The following CHST15 variants were observed in gnomAD, a reference collection of about 807,000 sequenced individuals.
CHST15 encodes B cell RAG associated protein (GALNAC4S-6ST).
CHST15 carries 30 observed loss-of-function variants against 53.6 expected under a neutral mutation model. The observed-to-expected ratio is 0.56, with a 90% CI of 0.42 to 0.76. The LOEUF (loss-of-function observed/expected upper bound fraction) is 0.76. Among genes scored for constraint, CHST15 ranks in the 30% least tolerant of loss-of-function variants. The probability of loss-of-function intolerance (pLI) is 0.00; values close to 1 mark genes in which losing one functional copy is unlikely to be tolerated. For missense variants in CHST15, 627 were observed against 740.5 expected, an observed-to-expected ratio of 0.85 and a Z score of 1.78; for synonymous variants, 296 against 289.8, an observed-to-expected ratio of 1.02 and a Z score of -0.22.
At chr10:124,035,151 G>GGGACCCCGGCTCCGCCCCCTAACA (rs1947422485) in intron 5 of CHST15, among the ~76,000 whole-genome samples, 1 of 76,814 alleles carries the variant, frequency 1.3e-5, no homozygotes, top group African/African-American at 4.0e-5. Flanking sequence ...GCCCCCTAAC[G>GGGACCCCGGCTCCGCCCCCTAACA]GGGACCCCGG....
chr10:124,069,306 A>C (rs1948839801), intron 1 of CHST15, among the ~76,000 whole-genome samples: 1 of 152,234 alleles, frequency 6.6e-6, no homozygotes, highest in Admixed American at 6.5e-5. Flanking sequence ...TACAGATAAT[A>C]AATATAGCCA....
intron 1 of CHST15, among the ~76,000 whole-genome samples, chr10:124,070,237 C>T (rs1948871746): frequency 6.6e-6 from 1 of 152,158 alleles, no homozygotes; most frequent in Admixed American, 6.5e-5. Flanking sequence ...AGCCAGAGGC[C>T]CCTCTGGGAA....
chr10:124,045,697 G>A lies in CHST15; in HGVS notation c.516C>T (p.Asp172=). 3 of 1,610,128 alleles carry A rather than the reference G, an allele frequency of 1.9e-6. No individual in the cohort carries two copies. The highest frequency in any genetic ancestry group is 2.5e-6 in the Non-Finnish European group (3 of 1,177,572). Residue 172 remains aspartate, a synonymous_variant, in exon 2 of 8, where the codon GAC becomes GAT. Coordinates refer to ENST00000435907, the MANE Select transcript of CHST15 (RefSeq NM_001270764.2). ...ACTCCTGCTTCTTAAGGTCTTCTAA[G>A]TCTGGGAGCTGTCTGGTCGTGAACT... ...RIEFTTRQLP[D]LEDLKKQELH... is the part of the protein sequence containing the mutation.
In CHST15 at chr10:124,038,754, G is replaced by T. The variant is rs563723914; in HGVS notation, c.1034-83C>A. 2.1e-5 allele frequency: 30 copies of T among 1,427,386 alleles called. 1 individual carries two copies. The South Asian group carries it at 3.5e-4, about 17-fold the overall frequency. 88.4% of individuals were successfully genotyped at this position (1,427,386 alleles called of 1,614,324 possible). A position where few individuals can be genotyped will look rare whatever the true frequency, so the allele number is the denominator to read the frequency against. On this transcript the variant is annotated intron_variant, in intron 4 of 7. Transcript: ENST00000435907. ...GCTCTAGGTGCCAGAGGCCACACCT[G>T]GCCCCGATGCCTTCCTCTTAAGCAG... is the stretch of plus-strand genomic sequence containing the variant.
Position 124,044,498 on chromosome 10 carries a change from C to T in CHST15, c.886+82G>A, listed in dbSNP as rs1947881604. Reference sequence around the variant, plus strand: ...CATCTCTTTCTGCCGCCCTCGCCCCCCAACCCCAGCGCTAACGTTGCGGGA... The same window carrying T: ...CATCTCTTTCTGCCGCCCTCGCCCCTCAACCCCAGCGCTAACGTTGCGGGA... On this transcript the variant is annotated intron_variant, in intron 3 of 7. Transcript: ENST00000435907. The T allele has an allele frequency of 9.1e-6, 11 of 1,212,212 alleles. No individual in the cohort carries two copies. In the South Asian group the frequency reaches 1.7e-4, roughly 19 times the overall value. The allele number at this position is 1,212,212 out of a possible 1,614,324, so 75.1% of individuals were successfully genotyped here.
chr10:124,081,363 CACACACATGCACGCAT>C, intron 1 of CHST15, among the ~76,000 whole-genome samples: 1 of 151,686 alleles, frequency 6.6e-6, no homozygotes, highest in African/African-American at 2.4e-5. Flanking sequence ...TGCACGCATG[CACACACATGCACGCAT>C]GCACACACAC....
chr10:124,010,540 G>C, intron 7 of CHST15: 1 of 985,464 alleles, frequency 1.0e-6, no homozygotes, highest in Non-Finnish European at 1.2e-6. Context: ...AAATTGCGAA[G>C]AAATTCTGCG....
chr10:124,061,044 A>T (rs1306892775), intron 1 of CHST15, among the ~76,000 whole-genome samples: 5 of 152,226 alleles, frequency 3.3e-5, no homozygotes. Context: ...TGTGCAGATA[A>T]GAAAACGGTG....
chr10:124,052,754 G>A (rs1015857995), intron 1 of CHST15, among the ~76,000 whole-genome samples: 5 of 152,298 alleles, frequency 3.3e-5, no homozygotes, highest in African/African-American at 7.2e-5. Flanking sequence ...TGTCTAGCCC[G>A]GCCGGGCGCG....
At chr10:124,080,913 A>C (rs143331306) in intron 1 of CHST15, among the ~76,000 whole-genome samples, 9 of 152,350 alleles carry the variant, frequency 5.9e-5, no homozygotes, top group Admixed American at 5.2e-4. Context: ...ACGTTGAATA[A>C]GACACATTTC....
intron 1 of CHST15, among the ~76,000 whole-genome samples, chr10:124,088,966 C>T (rs1949524039): frequency 6.6e-6 from 1 of 152,168 alleles, no homozygotes; most frequent in Non-Finnish European, 1.5e-5. Flanking sequence ...TGTCCCAGTG[C>T]TTTATTTGAA....
intron 3 of CHST15, among the ~76,000 whole-genome samples, chr10:124,044,219 AGGGAATAGCACAGAGCT>A (rs544394422): frequency 1.6e-3 from 235 of 150,186 alleles, no homozygotes; most frequent in Non-Finnish European, 2.7e-3. Flanking sequence ...GGCACAGAGC[AGGGAATAGCACAGAGCT>A]GGGAGCCAAG....
At position 124,074,607 on chromosome 10, in the gene CHST15, G is replaced by A. The variant is rs1330930227; in HGVS notation, c.-513+18862C>T. Among the ~76,000 whole-genome samples, 1 of 152,122 alleles carries A rather than the reference G, an allele frequency of 6.6e-6. No individual in the cohort carries two copies. Among genetic ancestry groups the A allele is most frequent in the Non-Finnish European group, 1.5e-5 (1 of 68,028 alleles). On this transcript the variant is annotated intron_variant, in intron 1 of 7. Coordinates refer to ENST00000435907, the MANE Select transcript of CHST15 (RefSeq NM_001270764.2). This position sits in a 1 kb window ranked among gnomAD's most constrained non-coding sequence, Gnocchi z 4.4. ...CAGTCTCTGCCTCCTCTCCCTCCGC[G>A]CAGCTTCCTCCATTATGACCTGGAG...
chr10:124,030,205 G>A (rs1476937492), intron 5 of CHST15, among the ~76,000 whole-genome samples: 1 of 152,150 alleles, frequency 6.6e-6, no homozygotes, highest in Non-Finnish European at 1.5e-5. Context: ...CTGTCCTTCT[G>A]GCCTGGGCGC....
At position 124,046,370 on chromosome 10, in the gene CHST15, C is replaced by CCTAG. The variant is rs1948006398; in HGVS notation, c.-159_-158insCTAG. ...ATACAAAAATAAGCAGACACCACAG[C>CCTAG]ACTAGAGAAAGAGGGTGCACATTCT... On this transcript the variant is annotated 5_prime_UTR_variant, in exon 2 of 8. The change creates a premature stop within an existing upstream ORF in the 5' untranslated region. Transcript: ENST00000435907. The CCTAG allele has an allele frequency of 1.5e-6, 1 of 656,630 alleles. No individual in the cohort carries two copies. Among genetic ancestry groups the CCTAG allele is most frequent in the African/African-American group, 1.8e-5 (1 of 54,798 alleles). The allele number at this position is 656,630 out of a possible 1,614,324, so 40.7% of individuals were successfully genotyped here.
intron 1 of CHST15, among the ~76,000 whole-genome samples, chr10:124,061,297 G>GC (rs1216294608): frequency 6.6e-6 from 1 of 152,172 alleles, no homozygotes; most frequent in Non-Finnish European, 1.5e-5. Context: ...ACTCATGGGG[G>GC]CCGGTTTTTC....
At chr10:124,016,646 C>G (rs1312989660) in intron 6 of CHST15, among the ~76,000 whole-genome samples, 1 of 152,222 alleles carries the variant, frequency 6.6e-6, no homozygotes, top group Non-Finnish European at 1.5e-5. Flanking sequence ...CAAACGCCAG[C>G]AGACCCAGGA....
chr10:124,034,838 CTGGTT>C (rs1947386870), intron 5 of CHST15, among the ~76,000 whole-genome samples: 1 of 143,510 alleles, frequency 7.0e-6, no homozygotes, highest in African/African-American at 2.6e-5. Context: ...AACGGGGACC[CTGGTT>C]CTACCCCTAA....
chr10:124,056,375 C>T (rs912928608), intron 1 of CHST15, among the ~76,000 whole-genome samples: 3 of 152,198 alleles, frequency 2.0e-5, no homozygotes, highest in South Asian at 2.1e-4. Context: ...AATGCCCTGT[C>T]GGCCTGGGGC....
Sources: allele counts gnomAD v4.1 joint callset (sites outside exome capture counted in the v4.1 genomes callset), GRCh38; gene constraint gnomAD v4.1.1; non-coding constraint Gnocchi (gnomAD v3.1); transcripts MANE v1.5; gene names NCBI Gene and HGNC (gene_info 2026-07-23, HGNC 2026-07-21).